DMD: variants seen among roughly 807,000 people sequenced by gnomAD.
DMD encodes mutant dystrophin.
In DMD, 63 loss-of-function variants were observed where a neutral mutation model predicts 330.1. The ratio of observed to expected loss-of-function variants is 0.19; its 90% CI spans 0.16 to 0.24. The LOEUF (loss-of-function observed/expected upper bound fraction) is 0.24, where lower values mean the gene tolerates loss of function less well. DMD is among the 10% of genes least tolerant of loss of function. The pLI is 1.00. For synonymous variants in DMD, 1,223 were observed against 959.8 expected (o/e 1.27, Z -5.07); for missense variants, 3,344 against 2,684.1 (o/e 1.25, Z -5.43).
chrX:31,431,792 CTTTCT>C (rs1019829810), intron 60 of DMD, among the ~76,000 whole-genome samples: 3 of 110,671 alleles, frequency 2.7e-5, no homozygotes, highest in African/African-American at 9.9e-5. Context: ...AAAATATTTT[CTTTCT>C]TTTCTTTTCT....
Position 31,688,126 on chromosome X carries a change from T to C in DMD, c.7661-8540A>G, listed in dbSNP as rs575855601. ...AAAAATAATAAGAAACAATGAAGCA[T>C]ACCTACAAGATCCAGACACAAAAAA... On this transcript the variant is annotated intron_variant, in intron 52 of 78. Transcript: ENST00000357033. Among the ~76,000 whole-genome samples, 5 of 109,818 alleles carry C rather than the reference T, an allele frequency of 4.6e-5. No homozygotes were observed. The East Asian group carries it at 1.4e-3, about 31-fold the overall frequency.
Position 33,115,633 on chromosome X carries a change from T to A in DMD, c.32-95433A>T, listed in dbSNP as rs190089073. On this transcript the variant is annotated intron_variant, in intron 1 of 78. Coordinates refer to ENST00000357033, the MANE Select transcript of DMD (RefSeq NM_004006.3). ...TTCACGCCATTCTCCTGCCTCAGCC[T>A]CCTGAGTAGCTGGGACTACAGGCGC... Among the ~76,000 whole-genome samples the A allele has an allele frequency of 6.8e-3, 737 of 107,891 alleles. 7 individuals are homozygous for A. The highest frequency in any genetic ancestry group is 0.023 in the African/African-American group (681 of 29,608). 93.7% of individuals were successfully genotyped at this position (107,891 alleles called of 115,157 possible).
chrX:33,190,921 TATA>T (rs1391794153), intron 1 of DMD, among the ~76,000 whole-genome samples: 6,330 of 8,312 alleles, frequency 0.76, 2,390 homozygotes, highest in Non-Finnish European at 0.83. Context: ...ATATTATATA[TATA>T]ATATTATATA....
At chrX:33,049,874 G>A (rs1216435148) in intron 1 of DMD, among the ~76,000 whole-genome samples, 1 of 111,589 alleles carries the variant, frequency 9.0e-6, no homozygotes, top group African/African-American at 3.3e-5. Flanking sequence ...AACCAAATAT[G>A]TAAATTCAAT....
intron 16 of DMD, among the ~76,000 whole-genome samples, chrX:32,564,179 G>T (rs1324034554): frequency 1.8e-5 from 2 of 111,812 alleles, no homozygotes; most frequent in Non-Finnish European, 3.8e-5. Flanking sequence ...TAGCTCCTCA[G>T]GTGGCTACTA....
chrX:32,167,616 C>T (rs766917301), intron 44 of DMD, among the ~76,000 whole-genome samples: 2 of 112,369 alleles, frequency 1.8e-5, no homozygotes, highest in African/African-American at 6.5e-5. Context: ...CGTAAACCAA[C>T]GGTCTAACAA....
chrX:31,596,856 C>A (rs748262582), intron 55 of DMD, among the ~76,000 whole-genome samples: 19 of 112,052 alleles, frequency 1.7e-4, no homozygotes, highest in Non-Finnish European at 3.2e-4. Flanking sequence ...CAGAGACTGA[C>A]AGCAGCAGCA....
chrX:32,091,906 C>A (rs1367250301), intron 44 of DMD, among the ~76,000 whole-genome samples: 4 of 110,907 alleles, frequency 3.6e-5, no homozygotes, highest in Non-Finnish European at 7.6e-5. Flanking sequence ...TAAAAAGAGC[C>A]AAAAGTGAGA....
chrX:32,205,005 T>TCTCTCTCACAGACA (rs60181300), intron 44 of DMD, among the ~76,000 whole-genome samples: 2 of 29,237 alleles, frequency 6.8e-5, no homozygotes, highest in Non-Finnish European at 1.4e-4. Flanking sequence ...TCTCTCTCTC[T>TCTCTCTCACAGACA]CACATACACA....
At chrX:31,165,250 G>A (rs771113223) in intron 74 of DMD, among the ~76,000 whole-genome samples, 2 of 111,737 alleles carry the variant, frequency 1.8e-5, no homozygotes, top group Non-Finnish European at 3.8e-5. Context: ...ATCACTGGAG[G>A]AATTTAAAGG....
At chrX:33,205,857 T>C (rs1169310783) in intron 1 of DMD, among the ~76,000 whole-genome samples, 1 of 111,954 alleles carries the variant, frequency 8.9e-6, no homozygotes, top group Non-Finnish European at 1.9e-5. Context: ...GACTTCGTGA[T>C]ATATATGTGA....
intron 7 of DMD, chrX:32,756,080 G>A (rs1263127717): frequency 8.9e-6 from 1 of 112,088 alleles, no homozygotes; most frequent in Non-Finnish European, 1.9e-5. Flanking sequence ...TTTATTTTAA[G>A]CAGCATTAAG....
At chrX:31,165,492 T>C (rs2039320776) in intron 74 of DMD, among the ~76,000 whole-genome samples, 1 of 112,008 alleles carries the variant, frequency 8.9e-6, no homozygotes, top group African/African-American at 3.2e-5. Flanking sequence ...AATGTCTTTG[T>C]CTCTCAGAAA....
intron 62 of DMD, among the ~76,000 whole-genome samples, chrX:31,272,070 A>G (rs766506351): frequency 9.0e-6 from 1 of 111,389 alleles, no homozygotes; most frequent in Non-Finnish European, 1.9e-5. Flanking sequence ...CAGACTCAGG[A>G]AAGTTCTCTG....
At chrX:32,111,370 G>A (rs1938942062) in intron 44 of DMD, among the ~76,000 whole-genome samples, 1 of 111,472 alleles carries the variant, frequency 9.0e-6, no homozygotes, top group African/African-American at 3.3e-5. Flanking sequence ...TTGAAGTTGA[G>A]TATAGCATAA....
At chrX:32,735,500 A>C (rs980095583) in intron 7 of DMD, among the ~76,000 whole-genome samples, 1 of 111,487 alleles carries the variant, frequency 9.0e-6, no homozygotes, top group Non-Finnish European at 1.9e-5. Context: ...GCATCACACT[A>C]CCTGACTTCA....
chrX:32,669,780 G>C (rs966068617), intron 9 of DMD, among the ~76,000 whole-genome samples: 11 of 111,042 alleles, frequency 9.9e-5, no homozygotes, highest in Admixed American at 6.7e-4. Context: ...TCCCAGGGTT[G>C]AAACACATGA....
intron 1 of DMD, among the ~76,000 whole-genome samples, chrX:33,137,749 T>C (rs2095535811): frequency 1.8e-5 from 2 of 111,599 alleles, no homozygotes; most frequent in South Asian, 7.5e-4. Flanking sequence ...GACCCTTTTT[T>C]GGAATGAACC....
chrX:32,757,078 A>G (rs1239951234), intron 7 of DMD, among the ~76,000 whole-genome samples: 1 of 111,770 alleles, frequency 8.9e-6, no homozygotes, highest in African/African-American at 3.2e-5. Context: ...GACAAATTTT[A>G]TATATTTATA....
Sources: gnomAD v4.1 joint callset for allele counts (sites outside exome capture counted in the v4.1 genomes callset) on GRCh38, gnomAD v4.1.1 for gene constraint, MANE v1.5 for transcripts, NCBI Gene and HGNC (gene_info 2026-07-23, HGNC 2026-07-21) for gene names.